Variants in ATOSA observed in about 807,000 individuals in gnomAD.
ATOSA encodes the protein atos homolog A.
the ATOSA span, chr15:52,657,034 C>A: frequency 6.6e-6 from 1 of 152,054 alleles, no homozygotes; most frequent in Non-Finnish European, 1.5e-5. Context: ...GACAATGGAT[C>A]CCATATTTAC....
the ATOSA span, among the ~76,000 whole-genome samples, chr15:52,675,220 T>C: frequency 6.6e-6 from 1 of 152,208 alleles, no homozygotes; most frequent in Admixed American, 6.5e-5. Context: ...TTGTGAAATC[T>C]ATCATGCTAT....
chr15:52,661,642 T>C, the ATOSA span, among the ~76,000 whole-genome samples: 2 of 152,286 alleles, frequency 1.3e-5, no homozygotes, highest in East Asian at 3.9e-4. Flanking sequence ...AACCTGAATG[T>C]TGTTGTTTTG....
the ATOSA span, chr15:52,652,094 A>T: frequency 4.2e-6 from 6 of 1,423,512 alleles, no homozygotes; most frequent in South Asian, 7.9e-5. Flanking sequence ...CAGCACTCAC[A>T]GCTGATTGGA....
chr15:52,684,729 T>TTTC, the ATOSA span, among the ~76,000 whole-genome samples: 11 of 152,332 alleles, frequency 7.2e-5, no homozygotes, highest in African/African-American at 2.6e-4. Context: ...TTCTTTCTTT[T>TTTC]TTTCAAATTT....
the ATOSA span, chr15:52,657,743 A>T: frequency 6.6e-6 from 1 of 152,250 alleles, no homozygotes; most frequent in Non-Finnish European, 1.5e-5. Context: ...TTTAGCTTAC[A>T]CAGAGAAGGT....
chr15:52,618,354 C>G, the ATOSA span, among the ~76,000 whole-genome samples: 1 of 151,904 alleles, frequency 6.6e-6, no homozygotes, highest in Non-Finnish European at 1.5e-5. Context: ...TTTCTTCACT[C>G]TTAACAAGGA....
the ATOSA span, among the ~76,000 whole-genome samples, chr15:52,600,720 A>G: frequency 6.6e-6 from 1 of 152,086 alleles, no homozygotes; most frequent in African/African-American, 2.4e-5. Context: ...ATGAGAATAC[A>G]AGGGCAAAAT....
At chr15:52,667,308 T>A in the ATOSA span, among the ~76,000 whole-genome samples, 1 of 152,208 alleles carries the variant, frequency 6.6e-6, no homozygotes, top group African/African-American at 2.4e-5. Context: ...TATGGCATAC[T>A]CCAAAACTTT....
the ATOSA span, among the ~76,000 whole-genome samples, chr15:52,584,036 C>T: frequency 6.7e-6 from 1 of 149,170 alleles, no homozygotes. Flanking sequence ...CTGCCTGGAC[C>T]CGAGATGAAA....
At chr15:52,669,985 ACTCT>A in the ATOSA span, among the ~76,000 whole-genome samples, 1 of 151,998 alleles carries the variant, frequency 6.6e-6, no homozygotes. Flanking sequence ...CCTCTGCCTC[ACTCT>A]CTGCCCTGAT....
At chr15:52,636,189 A>G in the ATOSA span, among the ~76,000 whole-genome samples, 1 of 149,352 alleles carries the variant, frequency 6.7e-6, no homozygotes, top group Non-Finnish European at 1.5e-5. Flanking sequence ...AATAAAAATA[A>G]GGATTTAAAT....
At chr15:52,681,427 A>G in the ATOSA span, among the ~76,000 whole-genome samples, 2 of 152,200 alleles carry the variant, frequency 1.3e-5, no homozygotes, top group Non-Finnish European at 2.9e-5. Context: ...GTCACATTCT[A>G]ACACCTTTGT....
chr15:52,677,328 ATCT>A, the ATOSA span, among the ~76,000 whole-genome samples: 1 of 152,176 alleles, frequency 6.6e-6, no homozygotes, highest in Admixed American at 6.5e-5. Context: ...CTATATTAAC[ATCT>A]TCTAAAATTG....
chr15:52,690,869 A>C, the ATOSA span, among the ~76,000 whole-genome samples: 1 of 152,266 alleles, frequency 6.6e-6, no homozygotes. Flanking sequence ...TCATTAAACT[A>C]GATGAAGAAA....
chr15:52,706,543 G>C, the ATOSA span, among the ~76,000 whole-genome samples: 1 of 151,958 alleles, frequency 6.6e-6, no homozygotes, highest in Non-Finnish European at 1.5e-5. Context: ...TGTCTTATAA[G>C]AACAAACAAC....
chr15:52,658,968 G>C, the ATOSA span, among the ~76,000 whole-genome samples: 2 of 151,964 alleles, frequency 1.3e-5, no homozygotes, highest in African/African-American at 4.8e-5. Flanking sequence ...CTGGGCAACA[G>C]GGCAAGAACC....
At chr15:52,593,773 A>T in the ATOSA span, 5 of 1,510,212 alleles carry the variant, frequency 3.3e-6, no homozygotes, top group Middle Eastern at 1.7e-4. Context: ...TCAATTAAAA[A>T]AGCTAACACA....
the ATOSA span, among the ~76,000 whole-genome samples, chr15:52,638,813 C>T: frequency 6.6e-6 from 1 of 150,990 alleles, no homozygotes; most frequent in Non-Finnish European, 1.5e-5. Flanking sequence ...TTGCTGAGAA[C>T]ATAAAACTGC....
At chr15:52,702,804 T>C in the ATOSA span, among the ~76,000 whole-genome samples, 2 of 97,360 alleles carry the variant, frequency 2.1e-5, no homozygotes, top group Non-Finnish European at 4.5e-5. Flanking sequence ...AAAAGGAAAA[T>C]GGGCAAAATA....
Sources: gnomAD v4.1 joint callset for allele counts (sites outside exome capture counted in the v4.1 genomes callset) on GRCh38, gnomAD v4.1.1 for gene constraint, MANE v1.5 for transcripts, NCBI Gene and HGNC (gene_info 2026-07-23, HGNC 2026-07-21) for gene names.